Variants in SRA1 observed in about 807,000 individuals in gnomAD.
The protein encoded by SRA1 is steroid receptor RNA activator 1, also known as lncRNA SRA.
A neutral mutation model predicts 24.3 loss-of-function variants in SRA1; 25 were observed. That is an observed-to-expected ratio of 1.03 (90% CI 0.75 to 1.43). The LOEUF is 1.43. SRA1 is among the 40% of genes most tolerant of loss of function. The probability of loss-of-function intolerance (pLI) is 0.00; values close to 1 mark genes in which losing one functional copy is unlikely to be tolerated. For synonymous variants in SRA1, 104 were observed against 109.5 expected, an observed-to-expected ratio of 0.95 and a Z score of 0.31; for missense variants, 303 against 286.6, an observed-to-expected ratio of 1.06 and a Z score of -0.41.
chr5:140,556,897 A>C (rs2127122310), intron 2 of SRA1, among the ~76,000 whole-genome samples: 1 of 152,284 alleles, frequency 6.6e-6, no homozygotes, highest in Admixed American at 6.5e-5. Context: ...AACTATATTA[A>C]AAGCCACAGG....
chr5:140,557,384 G>C (rs779938887), intron 1 of SRA1, 44 bp downstream of exon 1: 36 of 1,600,642 alleles, frequency 2.2e-5, no homozygotes, highest in Non-Finnish European at 2.9e-5. Flanking sequence ...CCCAGCCTAG[G>C]CCGGGGCGAC....
Position 140,551,361 on chromosome 5 carries a change from ACTGC to A in SRA1, c.355-196_355-193del, listed in dbSNP as rs139710084. The A allele has an allele frequency of 2.3e-4, 131 of 558,934 alleles. No individual in the cohort carries two copies. In the East Asian group the frequency reaches 3.6e-3, roughly 15 times the overall value. The allele number at this position is 558,934 out of a possible 1,614,324, so 34.6% of individuals were successfully genotyped here. A position where few individuals can be genotyped will look rare whatever the true frequency, so the allele number is the denominator to read the frequency against. ...CCTTTCCCTGCTGTCTTCTTCTGAC[ACTGC>A]CTGATGTTTCATTGAAAAGTAGAGG... On this transcript the variant is annotated intron_variant, in intron 3 of 4. Coordinates refer to ENST00000336283, the MANE Select transcript of SRA1 (RefSeq NM_001035235.4).
At chr5:140,554,089 C>T (rs1754630801) in intron 2 of SRA1, among the ~76,000 whole-genome samples, 1 of 152,136 alleles carries the variant, frequency 6.6e-6, no homozygotes, top group Non-Finnish European at 1.5e-5. Context: ...GCCTTGTTCA[C>T]ACTATCACCT....
At chr5:140,557,600 G>C (rs897968410), upstream of SRA1, 1 of 916,558 alleles carries the variant, frequency 1.1e-6, no homozygotes, top group East Asian at 2.7e-5. Context: ...CCGCTGTGGG[G>C]ACCCTGCGGC....
At chr5:140,552,578 G>A (rs942889848) in intron 2 of SRA1, among the ~76,000 whole-genome samples, 4 of 151,910 alleles carry the variant, frequency 2.6e-5, no homozygotes, top group Non-Finnish European at 4.4e-5. Flanking sequence ...GCTTGAACCC[G>A]GGAGGCAGAG....
rs766991397 is a variant in SRA1, at chr5:140,550,928, G to A, written c.464-17C>T. 6.3e-5 allele frequency: 101 copies of A among 1,612,000 alleles called. No homozygotes were observed. The highest frequency in any genetic ancestry group is 8.1e-5 in the Non-Finnish European group (95 of 1,178,392). On this transcript the variant is annotated splice_polypyrimidine_tract_variant and intron_variant, in intron 4 of 4. Coordinates refer to ENST00000336283, the MANE Select transcript of SRA1 (RefSeq NM_001035235.4). ...TTGAAAGCTCTGAAGAGAGACGGGGGTTGAGCAAGCAGCCTGTGGTACAAG... is the reference window on the plus strand; with the variant it reads ...TTGAAAGCTCTGAAGAGAGACGGGGATTGAGCAAGCAGCCTGTGGTACAAG...
At chr5:140,556,790 A>G (rs189726680) in intron 2 of SRA1, among the ~76,000 whole-genome samples, 3 of 152,280 alleles carry the variant, frequency 2.0e-5, no homozygotes, top group Admixed American at 2.0e-4. Context: ...GACGATTATC[A>G]TATACCTAAG....
At chr5:140,554,153 G>A (rs1298114762) in intron 2 of SRA1, among the ~76,000 whole-genome samples, 1 of 151,948 alleles carries the variant, frequency 6.6e-6, no homozygotes, top group Non-Finnish European at 1.5e-5. Context: ...TGATTTCAAT[G>A]TACATTAACA....
In SRA1 at chr5:140,557,209, C is replaced by T. The variant is rs1359381529; in HGVS notation, c.89G>A (p.Gly30Asp). 1.9e-6 allele frequency: 3 copies of T among 1,613,202 alleles called. No homozygotes were observed. The South Asian group carries it at 3.3e-5, about 18-fold the overall frequency. Reference sequence around the variant, plus strand: ...GGTAAGCAGCGAGCGCCTGGGTCCGCCGGCCTGGGTCTGCAGCCCGTATGA... The same window carrying T: ...GGTAAGCAGCGAGCGCCTGGGTCCGTCGGCCTGGGTCTGCAGCCCGTATGA... ...QFSYGLQTQAGGPRRSLLTKR... is the reference protein window; with the variant it reads ...QFSYGLQTQADGPRRSLLTKR... Residue 30 changes from glycine (G) to aspartate (D), a missense_variant, in exon 2 of 5, where the codon GGC becomes GAC. Transcript: ENST00000336283.
chr5:140,553,913 G>A (rs546018004), intron 2 of SRA1, among the ~76,000 whole-genome samples: 13 of 152,254 alleles, frequency 8.5e-5, no homozygotes, highest in Admixed American at 4.6e-4. Context: ...ACTTAGTAAT[G>A]GGAACCACTA....
rs200308515 is a variant in SRA1 at position 140,557,103 on chromosome 5, C to A, written c.151+44G>T. On this transcript the variant is annotated intron_variant, in intron 2 of 4. Transcript: ENST00000336283. ...ACAGGCTTATGCCTTACACCCCCCC[C>A]CCCCCATTCTCCGTCTGTCTCCGAG... The A allele has an allele frequency of 2.6e-4, 312 of 1,184,172 alleles. 8 individuals are homozygous for A. The African/African-American group carries it at 4.0e-3, about 15-fold the overall frequency. 73.4% of individuals were successfully genotyped at this position (1,184,172 alleles called of 1,614,324 possible).
intron 2 of SRA1, among the ~76,000 whole-genome samples, chr5:140,554,132 C>T (rs1316260573): frequency 6.6e-6 from 1 of 152,172 alleles, no homozygotes; most frequent in African/African-American, 2.4e-5. Flanking sequence ...CCCCTTCCAG[C>T]TCAGCTACTT....
upstream of SRA1, chr5:140,557,542 G>C: frequency 1.4e-6 from 2 of 1,458,916 alleles, no homozygotes; most frequent in Non-Finnish European, 9.1e-7. Flanking sequence ...GGCCAGGCGG[G>C]TTGCCGGAAT....
At chr5:140,557,614 T>C (rs539868844), upstream of SRA1, 4 of 750,558 alleles carry the variant, frequency 5.3e-6, no homozygotes, top group South Asian at 1.8e-5. Flanking sequence ...CTGCGGCAAC[T>C]CCCTAAGACT....
At position 140,552,147 on chromosome 5, in the gene SRA1, C is replaced by A. The variant is rs1417920284; in HGVS notation, c.189G>T (p.Met63Ile). Residue 63 changes from methionine (M) to isoleucine (I), a missense_variant, in exon 3 of 5, where the codon ATG (methionine) becomes ATT (isoleucine). Transcript: ENST00000336283. ...ASETSPGPPP[M>I]GPPPPSSKAP... ...CCTTACTTGAAGGAGGTGGAGGCCC[C>A]ATTGGGGGAGGCCCAGGAGAAGTCT... The A allele has an allele frequency of 6.2e-7, 1 of 1,609,592 alleles. No individual in the cohort carries two copies. The highest frequency in any genetic ancestry group is 8.5e-7 in the Non-Finnish European group (1 of 1,178,030).
Position 140,550,911 on chromosome 5 carries a change from T to C in SRA1, c.464A>G (p.Glu155Gly). ...VKKRMALLVQ[E>G]LSSHRWDAAD... is the part of the protein sequence containing the mutation. The stretch of plus-strand genomic sequence containing the variant: ...TGCGTCCCACCGGTGGCTTGAAAGC[T>C]CTGAAGAGAGACGGGGGTTGAGCAA... Residue 155 changes from glutamate to glycine, a missense_variant and splice_region_variant, in exon 5 of 5, where the codon GAG becomes GGG. Coordinates refer to ENST00000336283, the MANE Select transcript of SRA1 (RefSeq NM_001035235.4). 1 of 1,614,030 alleles carries C rather than the reference T, an allele frequency of 6.2e-7. No individual in the cohort carries two copies. Among genetic ancestry groups the C allele is most frequent in the Non-Finnish European group, 8.5e-7 (1 of 1,179,964 alleles).
In SRA1 at chr5:140,550,652, T is replaced by G; in HGVS notation, c.*48A>C. On this transcript the variant is annotated 3_prime_UTR_variant, in exon 5 of 5. Transcript: ENST00000336283. ...AAGAAGGGAGCCAAGTGACAGAAGG[T>G]CTCCAAGGCATAGGAGATGGTGTCC... The G allele has an allele frequency of 6.3e-7, 1 of 1,575,038 alleles. No homozygotes were observed. The highest frequency in any genetic ancestry group is 1.7e-4 in the Middle Eastern group (1 of 5,944).
intron 3 of SRA1, chr5:140,551,737 T>C (rs926738495): frequency 9.5e-6 from 4 of 422,792 alleles, no homozygotes; most frequent in African/African-American, 2.0e-5. Flanking sequence ...TGTTCACTAA[T>C]AGGAGCTGAA....
chr5:140,557,039 T>C, intron 2 of SRA1, 108 bp downstream of exon 2: 1 of 1,067,864 alleles, frequency 9.4e-7, no homozygotes, highest in South Asian at 1.5e-5. Flanking sequence ...AAAACTTCTC[T>C]CCTTAAGGAG....
Sources: allele counts gnomAD v4.1 joint callset (sites outside exome capture counted in the v4.1 genomes callset), GRCh38; gene constraint gnomAD v4.1.1; transcripts MANE v1.5; gene names NCBI Gene and HGNC (gene_info 2026-07-23, HGNC 2026-07-21).